The following NALCN variants were observed in gnomAD, a reference collection of about 807,000 sequenced individuals.
The protein encoded by NALCN is sodium leak channel NALCN.
Under a neutral mutation model 225.3 loss-of-function variants are expected in NALCN, and 111 were observed. The ratio of observed to expected loss-of-function variants is 0.49; its 90% confidence interval spans 0.42 to 0.58. The LOEUF is 0.58. Among genes scored for constraint, NALCN ranks in the 20% least tolerant of loss-of-function variants. NALCN has a pLI of 0.00. For missense variants in NALCN, 1,378 were observed against 2,202.4 expected (o/e 0.63, Z 7.49); for synonymous variants, 764 against 769.0 (o/e 0.99, Z 0.11).
chr13:101,059,850 C>T lies in NALCN; in HGVS notation c.4873G>A (p.Ala1625Thr), dbSNP rs1446700180. The T allele has an allele frequency of 6.2e-7, 1 of 1,613,932 alleles. No homozygotes were observed. Among genetic ancestry groups the T allele is most frequent in the Non-Finnish European group, 8.5e-7 (1 of 1,180,018 alleles). ...TGCATGCTGTTGTCCTGACTGTTGG[C>T]ATTCGTGTCCTCACTGGGCTGGGTG... Reference protein sequence around the residue: ...ETTQPSEDTNANSQDNSMQPE... With the variant: ...ETTQPSEDTNTNSQDNSMQPE... The change falls in exon 42 of 44, where the codon GCC (alanine) becomes ACC (threonine). Residue 1625 changes from alanine to threonine, a missense_variant. Coordinates refer to ENST00000251127, the MANE Select transcript of NALCN (RefSeq NM_052867.4).
chr13:101,106,970 T>C (rs2035150682), intron 22 of NALCN, among the ~76,000 whole-genome samples: 3 of 152,206 alleles, frequency 2.0e-5, no homozygotes, highest in Non-Finnish European at 2.9e-5. Flanking sequence ...TACTTACGGC[T>C]TCTTACACAT....
Position 101,237,907 on chromosome 13 carries a change from G to A in NALCN, c.1282C>T (p.Leu428Phe), listed in dbSNP as rs1411490128. Residue 428 changes from leucine (L) to phenylalanine (F), a missense_variant, in exon 12 of 44, where the codon CTT (leucine) becomes TTT (phenylalanine). This residue lies in a region of NALCN where 144 missense variants were observed against 187.7 expected (regional missense o/e 0.77). Transcript: ENST00000251127. ...TTCAGAAGTGCTTCCAAATCAAAAA[G>A]TACTGTAAAAGCCACCTAGAGAAAC... is the stretch of plus-strand genomic sequence containing the variant. The part of the protein sequence containing the change: ...FYLAEVAFTV[L>F]FDLEALLKIW... The A allele has an allele frequency of 1.6e-5, 26 of 1,604,000 alleles. No individual in the cohort carries two copies. Among genetic ancestry groups the A allele is most frequent in the Non-Finnish European group, 2.2e-5 (26 of 1,176,016 alleles).
chr13:101,120,041 A>T (rs2035897527), intron 18 of NALCN, among the ~76,000 whole-genome samples: 1 of 152,256 alleles, frequency 6.6e-6, no homozygotes, highest in Non-Finnish European at 1.5e-5. Flanking sequence ...GATTATACAT[A>T]GAAATGGGTG....
Position 101,104,718 on chromosome 13 carries a change from ATGGCTTC to A in NALCN, c.2637-75_2637-69del. On this transcript the variant is annotated intron_variant, in intron 23 of 43. Coordinates refer to ENST00000251127, the MANE Select transcript of NALCN (RefSeq NM_052867.4). This position sits in a 1 kb window ranked among gnomAD's most constrained non-coding sequence, Gnocchi z 4.2. ...GAAAGGCTTCTAAGAGTTAGAGATG[ATGGCTTC>A]TGTGGCTCTATCAACATGACTGGTA... 1 of 1,600,358 alleles carries A rather than the reference ATGGCTTC, an allele frequency of 6.2e-7. No homozygotes were observed. The highest frequency in any genetic ancestry group is 8.5e-7 in the Non-Finnish European group (1 of 1,171,526).
Position 101,360,908 on chromosome 13 carries a change from T to C in NALCN, c.645-15488A>G, listed in dbSNP as rs77508514. ...TAAGCAGCTAGCTAGAAGACTAACA[T>C]TTCTTTGAAGACTCAAGGTCTATTT... On this transcript the variant is annotated intron_variant, in intron 6 of 43. Coordinates refer to ENST00000251127, the MANE Select transcript of NALCN (RefSeq NM_052867.4). 1.1e-4 allele frequency among the ~76,000 whole-genome samples: 17 copies of C among 152,262 alleles called. No homozygotes were observed. In the East Asian group the frequency reaches 3.1e-3, roughly 28 times the overall value.
At chr13:101,157,978 C>G (rs2037987403) in intron 15 of NALCN, among the ~76,000 whole-genome samples, 1 of 152,122 alleles carries the variant, frequency 6.6e-6, no homozygotes, top group South Asian at 2.1e-4. Context: ...GTCTCAAACT[C>G]TTGACCTTGT....
intron 13 of NALCN, among the ~76,000 whole-genome samples, chr13:101,203,609 CTA>C (rs1248834391): frequency 6.6e-6 from 1 of 152,116 alleles, no homozygotes; most frequent in East Asian, 1.9e-4. Flanking sequence ...AAAGGATAAA[CTA>C]TTTTTTAAGG....
intron 7 of NALCN, among the ~76,000 whole-genome samples, chr13:101,296,240 C>T (rs1393279724): frequency 6.6e-6 from 1 of 152,134 alleles, no homozygotes. Flanking sequence ...CATTTCTGTA[C>T]CAGACACTGA....
chr13:101,184,308 C>G lies in NALCN; in HGVS notation c.1764+7609G>C, dbSNP rs552130084. Among the ~76,000 whole-genome samples the G allele has an allele frequency of 2.5e-4, 38 of 152,260 alleles. No individual in the cohort carries two copies. The South Asian group carries it at 7.1e-3, about 28-fold the overall frequency. ...ATATAATAGGATTTTGACCTTTCAGCTTAGTGGATTTCAAAAGCGTAATTT... is the reference window on the plus strand; with the variant it reads ...ATATAATAGGATTTTGACCTTTCAGGTTAGTGGATTTCAAAAGCGTAATTT... On this transcript the variant is annotated intron_variant, in intron 14 of 43. Transcript: ENST00000251127.
rs148217655 is a variant in NALCN, at chr13:101,326,458, ACT to A, written c.799+18806_799+18807del. Among the ~76,000 whole-genome samples, 760 of 152,142 alleles carry A rather than the reference ACT, an allele frequency of 5.0e-3. 6 individuals are homozygous for A. Among genetic ancestry groups the A allele is most frequent in the African/African-American group, 0.017 (696 of 41,496 alleles). On this transcript the variant is annotated intron_variant, in intron 7 of 43. Coordinates refer to ENST00000251127, the MANE Select transcript of NALCN (RefSeq NM_052867.4). ...CAAGTGCAAAATACTGGTTGAGAAA[ACT>A]CTACTTCCCAGACGACTACCTCTGT...
chr13:101,410,160 G>C (rs572545997), intron 1 of NALCN, among the ~76,000 whole-genome samples: 1 of 152,332 alleles, frequency 6.6e-6, no homozygotes, highest in East Asian at 1.9e-4. Flanking sequence ...AGCAGCCCAA[G>C]CTAACTAAGA....
chr13:101,064,134 A>AAG (rs1307975597), intron 40 of NALCN, among the ~76,000 whole-genome samples: 1 of 152,226 alleles, frequency 6.6e-6, no homozygotes, highest in Non-Finnish European at 1.5e-5. Context: ...ATGATATTTT[A>AAG]AGATGTCAGT....
intron 2 of NALCN, 85 bp from the exon 3 acceptor site, chr13:101,395,450 A>G: frequency 7.6e-7 from 1 of 1,318,862 alleles, no homozygotes; most frequent in Non-Finnish European, 1.0e-6. Context: ...TGGAAAACAT[A>G]ATACTGAGGT....
At chr13:101,348,579 T>C (rs2045813871) in intron 6 of NALCN, among the ~76,000 whole-genome samples, 1 of 152,128 alleles carries the variant, frequency 6.6e-6, no homozygotes, top group Non-Finnish European at 1.5e-5. Context: ...AATAAGTTAA[T>C]CACTCAACTG....
intron 6 of NALCN, among the ~76,000 whole-genome samples, chr13:101,358,522 G>A (rs749049391): frequency 1.3e-5 from 2 of 152,112 alleles, no homozygotes; most frequent in Non-Finnish European, 1.5e-5. Context: ...TCAGAACGGC[G>A]ATTATTAAAA....
intron 15 of NALCN, among the ~76,000 whole-genome samples, chr13:101,146,065 T>C (rs922910618): frequency 1.7e-4 from 26 of 152,328 alleles, no homozygotes; most frequent in Non-Finnish European, 2.5e-4. Flanking sequence ...GGGCTTCTTT[T>C]TGGGGAAACA....
chr13:101,379,410 T>C (rs998764097), intron 3 of NALCN, among the ~76,000 whole-genome samples: 3 of 152,168 alleles, frequency 2.0e-5, no homozygotes, highest in Non-Finnish European at 4.4e-5. Context: ...CAAGGACACA[T>C]GCACACGTAT....
At chr13:101,357,806 C>T (rs1479776820) in intron 6 of NALCN, among the ~76,000 whole-genome samples, 1 of 152,062 alleles carries the variant, frequency 6.6e-6, no homozygotes, top group Non-Finnish European at 1.5e-5. Context: ...CTAGAGTAAC[C>T]AAAACAGCAT....
chr13:101,216,433 G>T (rs1210081811), intron 13 of NALCN, among the ~76,000 whole-genome samples: 1 of 152,108 alleles, frequency 6.6e-6, no homozygotes, highest in Non-Finnish European at 1.5e-5. Flanking sequence ...CAGAGATCAG[G>T]AAGAGGCACC....
Sources: gnomAD v4.1 joint callset for allele counts (sites outside exome capture counted in the v4.1 genomes callset) on GRCh38, gnomAD v4.1.1 for gene constraint, gnomAD v4.1.1 regional missense constraint, Gnocchi (gnomAD v3.1) non-coding constraint, MANE v1.5 for transcripts, NCBI Gene and HGNC (gene_info 2026-07-23, HGNC 2026-07-21) for gene names.